The following INVS variants were observed in gnomAD, a reference collection of about 807,000 sequenced individuals.
INVS encodes inversion of embryo turning homolog.
INVS carries 86 observed loss-of-function variants against 108.8 expected under a neutral mutation model. The observed-to-expected ratio is 0.79, with a 90% CI of 0.66 to 0.95. INVS has a LOEUF of 0.95. INVS is among the 40% of genes least tolerant of loss of function. The pLI, the probability that INVS is intolerant of heterozygous loss-of-function variation, is 0.00. For synonymous variants in INVS, 455 were observed against 473.5 expected (o/e 0.96, Z 0.51); for missense variants, 1,169 against 1,297.4 (o/e 0.90, Z 1.52).
intron 3 of INVS, among the ~76,000 whole-genome samples, chr9:100,191,061 A>G (rs553283103): frequency 3.3e-5 from 5 of 152,074 alleles, no homozygotes; most frequent in African/African-American, 1.2e-4. Flanking sequence ...GGTTCTCTCT[A>G]TGTTGCCCAA....
chr9:100,235,788 C>T (rs564871083), intron 5 of INVS, among the ~76,000 whole-genome samples: 10 of 152,200 alleles, frequency 6.6e-5, no homozygotes, highest in African/African-American at 1.4e-4. Context: ...TTCTGTCTGG[C>T]GCCCCTTAAC....
intron 8 of INVS, among the ~76,000 whole-genome samples, chr9:100,249,972 G>C (rs958689509): frequency 2.0e-5 from 3 of 151,774 alleles, no homozygotes; most frequent in Admixed American, 6.6e-5. Flanking sequence ...GGGTGTGGTG[G>C]TACACGCCTA....
chr9:100,267,463 A>T (rs1832829565), intron 11 of INVS, among the ~76,000 whole-genome samples: 1 of 152,202 alleles, frequency 6.6e-6, no homozygotes, highest in East Asian at 1.9e-4. Context: ...GACCATTCCC[A>T]CATGGCAGGT....
chr9:100,152,623 T>A (rs1301892348), intron 3 of INVS, among the ~76,000 whole-genome samples: 2 of 152,234 alleles, frequency 1.3e-5, no homozygotes, highest in Admixed American at 6.5e-5. Flanking sequence ...CATTCATTTG[T>A]TCAACAGATA....
intron 3 of INVS, chr9:100,130,681 G>A (rs1828029599): frequency 6.6e-6 from 1 of 151,988 alleles, no homozygotes; most frequent in Non-Finnish European, 1.5e-5. Flanking sequence ...CTTAATTCTG[G>A]TATCCATGAA....
intron 15 of INVS, among the ~76,000 whole-genome samples, chr9:100,297,376 G>A (rs1833821026): frequency 2.6e-5 from 4 of 152,070 alleles, no homozygotes; most frequent in Non-Finnish European, 5.9e-5. Context: ...GGTCATAATT[G>A]TTTGGTTTCG....
intron 14 of INVS, among the ~76,000 whole-genome samples, chr9:100,293,693 C>T (rs538435094): frequency 6.6e-6 from 1 of 152,160 alleles, no homozygotes; most frequent in East Asian, 1.9e-4. Flanking sequence ...AACAGACTCC[C>T]AATATAGTAG....
intron 2 of INVS, among the ~76,000 whole-genome samples, chr9:100,115,169 A>T (rs574023805): frequency 1.3e-5 from 2 of 152,158 alleles, no homozygotes; most frequent in African/African-American, 2.4e-5. Context: ...GTGGTATCGC[A>T]TTATAGGTTA....
chr9:100,147,921 C>T (rs1359593808), intron 3 of INVS, among the ~76,000 whole-genome samples: 1 of 151,146 alleles, frequency 6.6e-6, no homozygotes, highest in African/African-American at 2.4e-5. Context: ...TCATGGCTTA[C>T]ACCTGTAATC....
intron 3 of INVS, among the ~76,000 whole-genome samples, chr9:100,186,046 G>A (rs1162553411): frequency 6.6e-6 from 1 of 151,988 alleles, no homozygotes; most frequent in East Asian, 1.9e-4. Flanking sequence ...TACTTTCCTC[G>A]GGGTAAATAC....
chr9:100,274,509 C>T (rs1348945545), intron 12 of INVS, among the ~76,000 whole-genome samples: 1 of 151,196 alleles, frequency 6.6e-6, no homozygotes, highest in African/African-American at 2.4e-5. Flanking sequence ...TGTGGACAGG[C>T]AGATTCTTTT....
At chr9:100,117,075 G>A (rs1402972368) in intron 2 of INVS, 7 of 1,232,630 alleles carry the variant, frequency 5.7e-6, no homozygotes, top group East Asian at 2.5e-5. Flanking sequence ...GAGCCGCAGC[G>A]GCCTGTCACC....
At chr9:100,157,646 A>G (rs112748011) in intron 3 of INVS, among the ~76,000 whole-genome samples, 2 of 152,222 alleles carry the variant, frequency 1.3e-5, no homozygotes, top group African/African-American at 4.8e-5. Flanking sequence ...CACAAGAGGC[A>G]TGCATTATTT....
Position 100,273,037 on chromosome 9 carries a change from T to C in INVS, c.1745T>C (p.Leu582Pro). The stretch of plus-strand genomic sequence containing the variant: ...GCCTTCCGAGACAGGAAAAATCTCC[T>C]CATGAAGCATGAACAGTTGAGAAAA... Reference protein sequence around the residue: ...RKAFRDRKNLLMKHEQLRKDA... With the variant: ...RKAFRDRKNLPMKHEQLRKDA... The change falls in exon 12 of 17, where the codon CTC (leucine) becomes CCC (proline). Residue 582 changes from leucine to proline, a missense_variant. Transcript: ENST00000262457. 6.2e-7 allele frequency: 1 copy of C among 1,613,938 alleles called. No individual in the cohort carries two copies. The highest frequency in any genetic ancestry group is 8.5e-7 in the Non-Finnish European group (1 of 1,179,984).
chr9:100,126,427 C>G lies in INVS; in HGVS notation c.151C>G (p.Pro51Ala), dbSNP rs1246468216. ...KDKEDQFGRT[P>A]LMYCVLADRL... ...CAAAGAAGATCAGTTTGGGAGAACA[C>G]CACTTATGTATTGCGTGTTGGCTGA... is the stretch of plus-strand genomic sequence containing the variant. The change falls in exon 3 of 17, where the codon CCA becomes GCA. Residue 51 changes from proline (P) to alanine (A), a missense_variant. By Grantham distance (27) the Pro-to-Ala change is conservative. Transcript: ENST00000262457. The G allele has an allele frequency of 6.2e-7, 1 of 1,613,910 alleles. No individual in the cohort carries two copies. Among genetic ancestry groups the G allele is most frequent in the Non-Finnish European group, 8.5e-7 (1 of 1,179,922 alleles).
At chr9:100,125,148 T>C (rs1267691821) in intron 2 of INVS, among the ~76,000 whole-genome samples, 3 of 152,186 alleles carry the variant, frequency 2.0e-5, no homozygotes, top group Non-Finnish European at 4.4e-5. Flanking sequence ...TCCAACTTTG[T>C]CCTCTCCATA....
In INVS at chr9:100,219,101, C is replaced by CA. The variant is rs200540349; in HGVS notation, c.274-6954dup. Among the ~76,000 whole-genome samples, 1,222 of 151,214 alleles carry CA rather than the reference C, an allele frequency of 8.1e-3. 22 individuals carry two copies. The highest frequency in any genetic ancestry group is 0.028 in the African/African-American group (1,155 of 41,204). On this transcript the variant is annotated intron_variant, in intron 3 of 16. Transcript: ENST00000262457. ...TCCTAGTGGGAGAGCATAAATAAAG[C>CA]AAAAAAATAAGCCACACAGAGAAGA...
intron 3 of INVS, among the ~76,000 whole-genome samples, chr9:100,159,988 T>C (rs1264342654): frequency 6.6e-6 from 1 of 152,204 alleles, no homozygotes; most frequent in Non-Finnish European, 1.5e-5. Context: ...CTTCATGATT[T>C]CTAACCAGGG....
chr9:100,145,885 G>A (rs1828594444), intron 3 of INVS, among the ~76,000 whole-genome samples: 1 of 152,186 alleles, frequency 6.6e-6, no homozygotes, highest in Non-Finnish European at 1.5e-5. Context: ...AGAGATTGAA[G>A]GGTGGTACCA....
Sources: gnomAD v4.1 joint callset for allele counts (sites outside exome capture counted in the v4.1 genomes callset) on GRCh38, gnomAD v4.1.1 for gene constraint, MANE v1.5 for transcripts, NCBI Gene and HGNC (gene_info 2026-07-23, HGNC 2026-07-21) for gene names.